The following PRKN variants were observed in gnomAD, a reference collection of about 807,000 sequenced individuals.
PRKN encodes the protein parkin RBR E3 ubiquitin protein ligase.
In PRKN, 56 loss-of-function variants were observed where a neutral mutation model predicts 59.5. The ratio of observed to expected loss-of-function variants is 0.94; its 90% CI spans 0.76 to 1.18. The LOEUF (loss-of-function observed/expected upper bound fraction) is 1.18. PRKN is among the 50% of genes most tolerant of loss of function. The pLI, the probability that PRKN is intolerant of heterozygous loss-of-function variation, is 0.00. For synonymous variants in PRKN, 250 were observed against 222.1 expected, an observed-to-expected ratio of 1.13 and a Z score of -1.12; for missense variants, 657 against 596.4, an observed-to-expected ratio of 1.10 and a Z score of -1.06.
chr6:162,084,091 G>T (rs563739189), intron 4 of PRKN, among the ~76,000 whole-genome samples: 1 of 152,060 alleles, frequency 6.6e-6, no homozygotes, highest in East Asian at 1.9e-4. Flanking sequence ...TTTGACAGAG[G>T]TAAAAACTAT....
chr6:161,925,858 C>T lies in PRKN; in HGVS notation c.734+47444G>A, dbSNP rs144049975. On this transcript the variant is annotated intron_variant, in intron 6 of 11. Coordinates refer to ENST00000366898, the MANE Select transcript of PRKN (RefSeq NM_004562.3). ...TAGTTGATGATGAAGAAAATAAGGG[C>T]AGCTACTATGCTTTACTAGGCACTT... Among the ~76,000 whole-genome samples the T allele has an allele frequency of 6.3e-4, 96 of 152,270 alleles. No homozygotes were observed. In the East Asian group the frequency reaches 0.014, roughly 23 times the overall value.
chr6:161,599,708 T>G (rs1583277774), intron 7 of PRKN, among the ~76,000 whole-genome samples: 2 of 152,334 alleles, frequency 1.3e-5, no homozygotes, highest in Non-Finnish European at 2.9e-5. Context: ...GTTCTAGCTG[T>G]GTTTGGCAGT....
intron 7 of PRKN, among the ~76,000 whole-genome samples, chr6:161,663,305 G>A (rs550814342): frequency 1.6e-4 from 25 of 152,188 alleles, no homozygotes; most frequent in South Asian, 6.2e-4. Flanking sequence ...CTCTGACACC[G>A]GACCTTCGAC....
chr6:162,632,586 T>C (rs1179775255), intron 1 of PRKN, among the ~76,000 whole-genome samples: 2 of 152,026 alleles, frequency 1.3e-5, no homozygotes, highest in South Asian at 2.1e-4. Context: ...CCCTGAACTA[T>C]AGCATAACAC....
At chr6:162,298,816 A>C (rs766875305) in intron 2 of PRKN, among the ~76,000 whole-genome samples, 15 of 152,114 alleles carry the variant, frequency 9.9e-5, no homozygotes, top group Non-Finnish European at 1.6e-4. Flanking sequence ...AGGAAAAGAA[A>C]GCCAGAGCCA....
At chr6:161,889,498 C>G (rs1036895031) in intron 6 of PRKN, among the ~76,000 whole-genome samples, 20 of 152,198 alleles carry the variant, frequency 1.3e-4, no homozygotes, top group Non-Finnish European at 2.8e-4. Context: ...TTAAAGGTTA[C>G]CTACTGCATG....
At chr6:162,031,337 G>A (rs1783629362) in intron 5 of PRKN, among the ~76,000 whole-genome samples, 1 of 151,760 alleles carries the variant, frequency 6.6e-6, no homozygotes, top group Admixed American at 6.6e-5. Context: ...TCCATCTGCT[G>A]CTGTGGGTAT....
At chr6:162,132,750 C>T (rs1043756828) in intron 4 of PRKN, among the ~76,000 whole-genome samples, 1 of 152,050 alleles carries the variant, frequency 6.6e-6, no homozygotes, top group Non-Finnish European at 1.5e-5. Context: ...GCATCTCTAT[C>T]TCTGAAATCT....
intron 6 of PRKN, among the ~76,000 whole-genome samples, chr6:161,787,766 G>A (rs1488459079): frequency 2.0e-5 from 3 of 151,826 alleles, no homozygotes; most frequent in East Asian, 3.9e-4. Flanking sequence ...CTAACACAGC[G>A]AAAGCCCGTC....
chr6:161,942,174 C>T (rs1224129973), intron 6 of PRKN, among the ~76,000 whole-genome samples: 1 of 152,018 alleles, frequency 6.6e-6, no homozygotes, highest in East Asian at 1.9e-4. Flanking sequence ...ACCACAGGGG[C>T]CTCTGGGGAA....
chr6:161,684,387 CA>C (rs897377499), intron 7 of PRKN, among the ~76,000 whole-genome samples: 1 of 151,820 alleles, frequency 6.6e-6, no homozygotes, highest in Non-Finnish European at 1.5e-5. Flanking sequence ...TGCCCAATCT[CA>C]AAAAAATATT....
chr6:161,680,791 C>G (rs117105178), intron 7 of PRKN, among the ~76,000 whole-genome samples: 10,445 of 67,868 alleles, frequency 0.15, 1,152 homozygotes, highest in Admixed American at 0.33. Flanking sequence ...TTTTTTTTTT[C>G]TTTTCCTAAA....
intron 6 of PRKN, among the ~76,000 whole-genome samples, chr6:161,946,451 C>CTCTCTCTCTCTCTCT (rs1554253070): frequency 1.5e-3 from 200 of 136,632 alleles, no homozygotes; most frequent in African/African-American, 5.0e-3. Flanking sequence ...CTCTCTCTCT[C>CTCTCTCTCTCTCTCT]AATACAAAAG....
chr6:162,153,557 G>A (rs1452778116), intron 4 of PRKN, among the ~76,000 whole-genome samples: 1 of 152,188 alleles, frequency 6.6e-6, no homozygotes, highest in Non-Finnish European at 1.5e-5. Flanking sequence ...GCCTTTTGGG[G>A]TACCCGCACT....
chr6:162,366,590 C>G (rs1366304420), intron 2 of PRKN, among the ~76,000 whole-genome samples: 2 of 152,082 alleles, frequency 1.3e-5, no homozygotes, highest in East Asian at 3.9e-4. Context: ...TTGATCATAC[C>G]TATAAAGTGG....
chr6:161,760,933 C>A (rs1583120998), intron 7 of PRKN, among the ~76,000 whole-genome samples: 1 of 152,184 alleles, frequency 6.6e-6, no homozygotes, highest in Non-Finnish European at 1.5e-5. Context: ...TATTTCAATA[C>A]AATGCAACTT....
chr6:162,152,480 C>T (rs190572814), intron 4 of PRKN, among the ~76,000 whole-genome samples: 1 of 152,266 alleles, frequency 6.6e-6, no homozygotes, highest in East Asian at 1.9e-4. Context: ...CAATCAAGGT[C>T]ATTGAAATTA....
At chr6:161,866,732 G>A (rs996142101) in intron 6 of PRKN, among the ~76,000 whole-genome samples, 18 of 152,298 alleles carry the variant, frequency 1.2e-4, no homozygotes, top group South Asian at 4.1e-4. Context: ...AGTGCGATAC[G>A]ATAGACGGCA....
intron 2 of PRKN, among the ~76,000 whole-genome samples, chr6:162,349,778 A>ATG (rs1562692579): frequency 6.6e-6 from 1 of 152,196 alleles, no homozygotes. Flanking sequence ...TTTCCCCTTA[A>ATG]AAGGAGGAAC....
Sources: allele counts gnomAD v4.1 joint callset (sites outside exome capture counted in the v4.1 genomes callset), GRCh38; gene constraint gnomAD v4.1.1; transcripts MANE v1.5; gene names NCBI Gene and HGNC (gene_info 2026-07-23, HGNC 2026-07-21).